The following NBDY variants were observed in gnomAD, a reference collection of about 807,000 sequenced individuals.
The protein encoded by NBDY is P-body dissociating protein.
intron 2 of NBDY, among the ~76,000 whole-genome samples, chrX:56,811,592 A>G (rs971304204): frequency 9.0e-6 from 1 of 111,717 alleles, no homozygotes; most frequent in African/African-American, 3.3e-5. Flanking sequence ...CAGCAATGGC[A>G]TATGCCACTC....
At chrX:56,761,346 G>A (rs1363668828) in intron 2 of NBDY, among the ~76,000 whole-genome samples, 1 of 112,913 alleles carries the variant, frequency 8.9e-6, no homozygotes, top group Non-Finnish European at 1.9e-5. Flanking sequence ...CTTGTTGTCT[G>A]GCTGCCCAAT....
At chrX:56,731,976 A>G (rs1280883105) in intron 1 of NBDY, 87 bp from the exon 2 acceptor site, 1 of 282,653 alleles carries the variant, frequency 3.5e-6, no homozygotes, top group Non-Finnish European at 6.2e-6. Context: ...GAGGTATGGG[A>G]AGGATAATGA....
chrX:56,815,199 AT>A (rs887604750), intron 2 of NBDY, among the ~76,000 whole-genome samples: 3 of 111,895 alleles, frequency 2.7e-5, no homozygotes, highest in African/African-American at 9.7e-5. Context: ...AAAACACTTA[AT>A]TTTAAACCAA....
At chrX:56,735,952 A>G (rs1442339743) in intron 2 of NBDY, among the ~76,000 whole-genome samples, 1 of 111,175 alleles carries the variant, frequency 9.0e-6, no homozygotes, top group Admixed American at 9.5e-5. Flanking sequence ...TAGCAAAAAA[A>G]AAAAAAAAAA....
intron 2 of NBDY, among the ~76,000 whole-genome samples, chrX:56,808,099 T>G (rs1406952742): frequency 1.8e-5 from 2 of 112,397 alleles, no homozygotes; most frequent in Non-Finnish European, 3.8e-5. Flanking sequence ...TTAGTTCTGT[T>G]TATGTGATGG....
chrX:56,738,280 GA>G (rs1479409666), intron 2 of NBDY, among the ~76,000 whole-genome samples: 1 of 111,906 alleles, frequency 8.9e-6, no homozygotes, highest in African/African-American at 3.2e-5. Flanking sequence ...TGATTGTGTG[GA>G]AAAAAAGTTT....
At chrX:56,741,072 A>G (rs2069530132) in intron 2 of NBDY, among the ~76,000 whole-genome samples, 1 of 111,186 alleles carries the variant, frequency 9.0e-6, no homozygotes, top group African/African-American at 3.3e-5. Flanking sequence ...GATTCCACAA[A>G]TAAGTGAGAA....
At chrX:56,791,017 CTCT>C (rs1433617587) in intron 2 of NBDY, among the ~76,000 whole-genome samples, 1 of 112,491 alleles carries the variant, frequency 8.9e-6, no homozygotes, top group African/African-American at 3.2e-5. Context: ...TGGCTGGTGG[CTCT>C]TCTTCTGTGA....
At chrX:56,739,344 C>A (rs2069520374) in intron 2 of NBDY, among the ~76,000 whole-genome samples, 1 of 97,366 alleles carries the variant, frequency 1.0e-5, no homozygotes, top group Non-Finnish European at 2.0e-5. Context: ...TTTTATTTCT[C>A]TGAAGCTGTT....
At chrX:56,790,444 T>C (rs754991637) in intron 2 of NBDY, among the ~76,000 whole-genome samples, 60 of 111,486 alleles carry the variant, frequency 5.4e-4, no homozygotes, top group Middle Eastern at 9.2e-3. Context: ...CTCAGGGCAT[T>C]CTGGGAAGAA....
In NBDY at chrX:56,737,378, A is replaced by G. The variant is rs999958872; in HGVS notation, c.*166+5179A>G. The G allele has an allele frequency of 2.4e-5, 16 of 662,246 alleles. No homozygotes were observed. The African/African-American group carries it at 3.3e-4, about 14-fold the overall frequency. 54.6% of individuals were successfully genotyped at this position (662,246 alleles called of 1,213,427 possible). On this transcript the variant is annotated intron_variant, in intron 2 of 2. Transcript: ENST00000374922. Reference sequence around the variant, plus strand: ...GATCTGATGCTTCATGGTCAGGTCCAATGCACTCTTAATGTGACACATCCT... The same window carrying G: ...GATCTGATGCTTCATGGTCAGGTCCGATGCACTCTTAATGTGACACATCCT...
chrX:56,758,503 T>C (rs2069622524), intron 2 of NBDY, among the ~76,000 whole-genome samples: 1 of 111,171 alleles, frequency 9.0e-6, no homozygotes, highest in African/African-American at 3.3e-5. Flanking sequence ...GGCACTCATA[T>C]GTGCCCAGGA....
intron 2 of NBDY, among the ~76,000 whole-genome samples, chrX:56,791,344 C>T (rs940334662): frequency 6.2e-5 from 7 of 112,193 alleles, no homozygotes; most frequent in African/African-American, 2.3e-4. Context: ...CATTTCTGCT[C>T]TGTCTCCGTA....
At position 56,739,236 on chromosome X, in the gene NBDY, G is replaced by GTATATATATATATATATA. The variant is rs67727538; in HGVS notation, c.*166+7038_*166+7039insATATATATATATATATAT. Among the ~76,000 whole-genome samples, 484 of 57,922 alleles carry GTATATATATATATATATA rather than the reference G, an allele frequency of 8.4e-3. 12 individuals are homozygous for GTATATATATATATATATA. The highest frequency in any genetic ancestry group is 0.025 in the African/African-American group (367 of 14,612). 50.3% of individuals were successfully genotyped at this position (57,922 alleles called of 115,157 possible). ...TATACATATATATGTGTGTTTGTGT[G>GTATATATATATATATATA]TGTATATATATATATATATATATAT... On this transcript the variant is annotated intron_variant, in intron 2 of 2. Transcript: ENST00000374922.
intron 2 of NBDY, among the ~76,000 whole-genome samples, chrX:56,785,671 C>T (rs901370098): frequency 9.0e-6 from 1 of 111,574 alleles, no homozygotes. Context: ...TCTATGCAGT[C>T]GCGGTGCAGA....
At chrX:56,740,899 G>T (rs1312505708) in intron 2 of NBDY, among the ~76,000 whole-genome samples, 1 of 109,824 alleles carries the variant, frequency 9.1e-6, no homozygotes, top group Non-Finnish European at 1.9e-5. Flanking sequence ...TATTATTATT[G>T]ACTATAGTCA....
At chrX:56,755,235 G>A (rs1449429874) in intron 2 of NBDY, among the ~76,000 whole-genome samples, 1 of 112,147 alleles carries the variant, frequency 8.9e-6, no homozygotes, top group Non-Finnish European at 1.9e-5. Flanking sequence ...CATGGGCAAG[G>A]ACTTCATGTC....
intron 2 of NBDY, among the ~76,000 whole-genome samples, chrX:56,760,847 A>G (rs916952799): frequency 8.9e-6 from 1 of 111,816 alleles, no homozygotes; most frequent in Non-Finnish European, 1.9e-5. Flanking sequence ...GGGGGTCCCA[A>G]TGAACCAGCC....
chrX:56,738,235 C>A (rs923941061), intron 2 of NBDY, among the ~76,000 whole-genome samples: 1 of 112,196 alleles, frequency 8.9e-6, no homozygotes, highest in African/African-American at 3.2e-5. Context: ...AACTTAGTTT[C>A]TCTCATTATA....
Sources: gnomAD v4.1 joint callset for allele counts (sites outside exome capture counted in the v4.1 genomes callset) on GRCh38, gnomAD v4.1.1 for gene constraint, MANE v1.5 for transcripts, NCBI Gene and HGNC (gene_info 2026-07-23, HGNC 2026-07-21) for gene names.